Variants in GRM4 observed in about 807,000 individuals in gnomAD.
The protein encoded by GRM4 is glutamate metabotropic receptor 4.
A neutral mutation model predicts 81.7 loss-of-function variants in GRM4; 28 were observed. That is an observed-to-expected ratio of 0.34 (90% confidence interval 0.25 to 0.47). GRM4 has a LOEUF of 0.47. Ranked by LOEUF, GRM4 falls within the 20% of genes least tolerant of loss-of-function variation. The pLI, the probability that GRM4 is intolerant of heterozygous loss-of-function variation, is 1.00. For missense variants in GRM4, 948 were observed against 1,290.0 expected (o/e 0.73, Z 4.06); for synonymous variants, 488 against 528.8 (o/e 0.92, Z 1.06).
At chr6:34,101,946 A>G in intron 2 of GRM4, 1 of 1,382,982 alleles carries the variant, frequency 7.2e-7, no homozygotes, top group Non-Finnish European at 9.9e-7. Flanking sequence ...GGCCAGGGGT[A>G]TGGCCAGGAC....
At chr6:34,029,023 ATTAAT>A (rs2127437229) in intron 9 of GRM4, among the ~76,000 whole-genome samples, 2 of 152,332 alleles carry the variant, frequency 1.3e-5, no homozygotes, top group African/African-American at 4.8e-5. Context: ...ATGAAAGCCC[ATTAAT>A]CTGGGTGTCG....
rs1400912262 is a variant in GRM4 at position 34,145,997 on chromosome 6, T to C, written c.-364+3A>G. The C allele has an allele frequency of 2.0e-6, 2 of 981,852 alleles. No homozygotes were observed. The highest frequency in any genetic ancestry group is 2.4e-6 in the Non-Finnish European group (2 of 829,402). 60.8% of individuals were successfully genotyped at this position (981,852 alleles called of 1,614,324 possible). On this transcript the variant is annotated splice_donor_region_variant and intron_variant, in intron 1 of 10. Coordinates refer to ENST00000538487, the MANE Select transcript of GRM4 (RefSeq NM_000841.4). ...CTCCCCGTGCGCGTGCCAGCTCACC[T>C]ACCCCGAGGACATGGCGGGGACCCC...
chr6:34,094,002 T>C (rs1248716788), intron 2 of GRM4, among the ~76,000 whole-genome samples: 2 of 152,246 alleles, frequency 1.3e-5, no homozygotes, highest in Non-Finnish European at 2.9e-5. Context: ...ACGACCCACA[T>C]GTCCATCAAG....
At chr6:34,060,603 C>G (rs750898650) in intron 4 of GRM4, 2 of 152,240 alleles carry the variant, frequency 1.3e-5, no homozygotes, top group Non-Finnish European at 2.9e-5. Flanking sequence ...AACAGCAGGC[C>G]TGGAGTGAGG....
chr6:34,028,222 C>T lies in GRM4; in HGVS notation c.2587G>A (p.Val863Ile), dbSNP rs200160096. The T allele has an allele frequency of 4.3e-5, 70 of 1,613,980 alleles. No individual in the cohort carries two copies. Among genetic ancestry groups the T allele is most frequent in the South Asian group, 5.5e-5 (5 of 91,094 alleles). Residue 863 changes from valine to isoleucine, a missense_variant, in exon 10 of 11, where the codon GTC becomes ATC. Val to Ile is a conservative substitution (Grantham distance 29, BLOSUM62 3). Transcript: ENST00000538487. ...TTGGACATGGTGGCCGCCGTAACGACGGCTTTGAGGCTGCGCTTGCGCTTG... is the reference window on the plus strand; with the variant it reads ...TTGGACATGGTGGCCGCCGTAACGATGGCTTTGAGGCTGCGCTTGCGCTTG... ...VPKRKRSLKA[V>I]VTAATMSNKF...
chr6:34,133,257 C>T lies in GRM4; in HGVS notation c.240G>A (p.Glu80=). 6.2e-7 allele frequency: 1 copy of T among 1,614,198 alleles called. No homozygotes were observed. Residue 80 remains glutamate, a synonymous_variant, in exon 2 of 11, where the codon GAG becomes GAA. Coordinates refer to ENST00000538487, the MANE Select transcript of GRM4 (RefSeq NM_000841.4). The surrounding 1 kb of genome is among the most constrained non-coding windows in gnomAD (Gnocchi z 6.5). The part of the protein sequence containing the change: ...LKKEKGIHRL[E]AMLFALDRIN... ...TGCGATCCAGGGCGAACAGCATGGC[C>T]TCCAGCCGGTGGATGCCCTTTTCCT...
chr6:34,094,620 T>C (rs753241541), intron 2 of GRM4, among the ~76,000 whole-genome samples: 3 of 152,194 alleles, frequency 2.0e-5, no homozygotes, highest in Non-Finnish European at 2.9e-5. Flanking sequence ...CAGGGGAGGT[T>C]AGTTCTTTGC....
At chr6:34,135,641 G>A (rs892850696) in intron 1 of GRM4, among the ~76,000 whole-genome samples, 11 of 146,834 alleles carry the variant, frequency 7.5e-5, no homozygotes, top group Admixed American at 1.3e-4. Flanking sequence ...AATACAAGGC[G>A]GGGAGCTGCA....
chr6:34,026,553 C>T (rs1306932532), intron 10 of GRM4, among the ~76,000 whole-genome samples: 4 of 152,080 alleles, frequency 2.6e-5, no homozygotes, highest in African/African-American at 9.7e-5. Context: ...CCTGGAGACC[C>T]CCAGGCCCCT....
intron 3 of GRM4, among the ~76,000 whole-genome samples, chr6:34,073,961 G>A (rs1381895635): frequency 6.6e-6 from 1 of 152,200 alleles, no homozygotes; most frequent in African/African-American, 2.4e-5. Flanking sequence ...CAACTGGATG[G>A]AGGGGATGGC....
chr6:34,028,322 G>A lies in GRM4; in HGVS notation c.2487C>T (p.Ser829=), dbSNP rs773886913. 9.9e-6 allele frequency: 16 copies of A among 1,612,626 alleles called. No homozygotes were observed. Among genetic ancestry groups the A allele is most frequent in the East Asian group, 2.2e-5 (1 of 44,856 alleles). ...TTTLTVSVSL[S]ASVSLGMLYM... is the part of the protein sequence containing the mutation. ...AGAGCATTCCCAGGGACACCGAGGC[G>A]CTCAGACTCACCGAGACCGTCAGCG... Residue 829 remains serine (S), a synonymous_variant, in exon 10 of 11, where the codon AGC becomes AGT. Transcript: ENST00000538487.
chr6:34,091,582 T>G, intron 3 of GRM4: 1 of 374,366 alleles, frequency 2.7e-6, no homozygotes, highest in Non-Finnish European at 4.8e-6. Context: ...ACCCCATCCC[T>G]TCCTCTGCTG....
At chr6:34,050,357 T>G (rs1441280211) in intron 6 of GRM4, among the ~76,000 whole-genome samples, 1 of 152,124 alleles carries the variant, frequency 6.6e-6, no homozygotes, top group Non-Finnish European at 1.5e-5. Flanking sequence ...CCTGGTGGGA[T>G]GTGTTTGAAT....
intron 6 of GRM4, among the ~76,000 whole-genome samples, chr6:34,051,190 CTG>C (rs1204196590): frequency 6.6e-6 from 1 of 152,158 alleles, no homozygotes; most frequent in Non-Finnish European, 1.5e-5. Flanking sequence ...CAAAATGTCT[CTG>C]GAGCCAAATG....
chr6:34,088,527 G>A (rs1044397251), intron 3 of GRM4, among the ~76,000 whole-genome samples: 6 of 152,156 alleles, frequency 3.9e-5, no homozygotes, highest in Non-Finnish European at 7.3e-5. Context: ...ATCAGCATCC[G>A]AGACAGGGCA....
In GRM4 at chr6:34,056,526, C is replaced by A; in HGVS notation, c.1168+18G>T. ...TCCTCCTAGAGCCCGCCCGGCCCTGCCCGGCCCGCGTGCTCACTGGTGCAC... is the reference window on the plus strand; with the variant it reads ...TCCTCCTAGAGCCCGCCCGGCCCTGACCGGCCCGCGTGCTCACTGGTGCAC... On this transcript the variant is annotated intron_variant, in intron 6 of 10. Transcript: ENST00000538487. 6.2e-7 allele frequency: 1 copy of A among 1,607,228 alleles called. No homozygotes were observed. Among genetic ancestry groups the A allele is most frequent in the Non-Finnish European group, 8.5e-7 (1 of 1,176,762 alleles).
rs546037650 is a variant in GRM4, at chr6:34,122,622, G to T, written c.519+10356C>A. On this transcript the variant is annotated intron_variant, in intron 2 of 10. Transcript: ENST00000538487. ...GTTCATTCAGCGGTGGGCGGGGGGT[G>T]GGGGGGGCAGCTAACCCTGCAGACT... is the stretch of plus-strand genomic sequence containing the variant. 1.2e-4 allele frequency among the ~76,000 whole-genome samples: 18 copies of T among 145,942 alleles called. No homozygotes were observed. The East Asian group carries it at 2.8e-3, about 23-fold the overall frequency.
At chr6:34,031,724 T>C (rs531302254) in intron 9 of GRM4, among the ~76,000 whole-genome samples, 90 of 152,252 alleles carry the variant, frequency 5.9e-4, no homozygotes, top group African/African-American at 2.1e-3. Context: ...GCCCTGGAAA[T>C]CCGGGCTAAG....
At chr6:34,086,271 T>G (rs1385695850) in intron 3 of GRM4, among the ~76,000 whole-genome samples, 1 of 152,146 alleles carries the variant, frequency 6.6e-6, no homozygotes, top group Non-Finnish European at 1.5e-5. Context: ...AAGCACTGTC[T>G]CCTCAGCGGG....
Sources: allele counts gnomAD v4.1 joint callset (sites outside exome capture counted in the v4.1 genomes callset), GRCh38; gene constraint gnomAD v4.1.1; non-coding constraint Gnocchi (gnomAD v3.1); transcripts MANE v1.5; gene names NCBI Gene and HGNC (gene_info 2026-07-23, HGNC 2026-07-21).